The following BTD variants were observed in gnomAD, a reference collection of about 807,000 sequenced individuals.
BTD encodes the protein biotinidase, also known as biocytinase.
BTD carries 13 observed loss-of-function variants against 17.7 expected under a neutral mutation model. That is an observed-to-expected ratio of 0.74 (90% CI 0.48 to 1.17). The LOEUF (loss-of-function observed/expected upper bound fraction) is 1.17. Ranked by LOEUF, BTD falls within the 50% of genes most tolerant of loss-of-function variation. The pLI, the probability that BTD is intolerant of heterozygous loss-of-function variation, is 0.00. For missense variants in BTD, 674 were observed against 650.4 expected, an observed-to-expected ratio of 1.04 and a Z score of -0.39; for synonymous variants, 240 against 245.2, an observed-to-expected ratio of 0.98 and a Z score of 0.20.
intron 1 of BTD, among the ~76,000 whole-genome samples, chr3:15,616,768 A>C (rs1219199785): frequency 6.6e-6 from 1 of 152,098 alleles, no homozygotes; most frequent in Non-Finnish European, 1.5e-5. Flanking sequence ...ACATCTTTTC[A>C]TAAGTTTATT....
chr3:15,601,724 C>T, upstream of BTD: 1 of 1,570,738 alleles, frequency 6.4e-7, no homozygotes, highest in Non-Finnish European at 8.6e-7. Flanking sequence ...CGCCAGAATG[C>T]CAGAGGGAGG....
chr3:15,666,009 G>A (rs1002899600), intron 3 of BTD, among the ~76,000 whole-genome samples: 1 of 152,120 alleles, frequency 6.6e-6, no homozygotes, highest in African/African-American at 2.4e-5. Context: ...TAGATTTGGG[G>A]TGGTTAGGTG....
intron 3 of BTD, among the ~76,000 whole-genome samples, chr3:15,700,209 A>G (rs961148741): frequency 6.6e-6 from 1 of 152,182 alleles, no homozygotes; most frequent in African/African-American, 2.4e-5. Flanking sequence ...GGGGAACATT[A>G]CACACACAAC....
chr3:15,699,286 A>T (rs1422506591), intron 3 of BTD, among the ~76,000 whole-genome samples: 1 of 152,112 alleles, frequency 6.6e-6, no homozygotes, highest in Non-Finnish European at 1.5e-5. Flanking sequence ...ACCATAAAAA[A>T]CCCTATTAGA....
At chr3:15,602,026 G>T in intron 1 of BTD, 132 bp downstream of exon 1, 1 of 1,495,694 alleles carries the variant, frequency 6.7e-7, no homozygotes, top group South Asian at 1.3e-5. Context: ...CCCGGCGCGC[G>T]TCGTTTGCTG....
At chr3:15,676,918 T>C in intron 3 of BTD, 1 of 1,435,056 alleles carries the variant, frequency 7.0e-7, no homozygotes. Flanking sequence ...AAAATCCATT[T>C]ATCATTTTTA....
At chr3:15,672,717 A>C (rs557937176) in intron 3 of BTD, among the ~76,000 whole-genome samples, 2 of 152,264 alleles carry the variant, frequency 1.3e-5, no homozygotes, top group East Asian at 3.9e-4. Flanking sequence ...TGGGGAAAGA[A>C]GCTTGTTTCA....
At chr3:15,679,485 T>C in intron 3 of BTD, 1 of 1,613,936 alleles carries the variant, frequency 6.2e-7, no homozygotes, top group Non-Finnish European at 8.5e-7. Context: ...CACGGCACAA[T>C]GCAATGGACT....
At chr3:15,707,258 G>GA (rs61116421) in intron 3 of BTD, among the ~76,000 whole-genome samples, 4 of 150,454 alleles carry the variant, frequency 2.7e-5, no homozygotes, top group Admixed American at 6.6e-5. Flanking sequence ...CGTGCAAGAA[G>GA]AAAAAAAAAA....
chr3:15,608,013 A>G (rs925790793), intron 1 of BTD, among the ~76,000 whole-genome samples: 3 of 152,262 alleles, frequency 2.0e-5, no homozygotes, highest in East Asian at 3.8e-4. Flanking sequence ...GTGAAAAGCA[A>G]CTTTATTATT....
At chr3:15,614,345 G>T (rs748316317) in intron 1 of BTD, among the ~76,000 whole-genome samples, 1 of 151,654 alleles carries the variant, frequency 6.6e-6, no homozygotes. Flanking sequence ...TGAATTCCTG[G>T]CCTCAAGTGA....
In BTD at chr3:15,625,531, T is replaced by TTTTG. The variant is rs541879800; in HGVS notation, c.-16-9877_-16-9874dup. Reference sequence around the variant, plus strand: ...AAGACTGGGTCCCTCTGGAGTTGTTTTTTGTTTGTTTGTTTGTTTTGTTTT... The same window carrying TTTTG: ...AAGACTGGGTCCCTCTGGAGTTGTTTTTTGTTTGTTTGTTTGTTTGTTTTGTTTT... On this transcript the variant is annotated intron_variant, in intron 1 of 3. Transcript: ENST00000643237. Among the ~76,000 whole-genome samples, 9 of 152,026 alleles carry TTTTG rather than the reference T, an allele frequency of 5.9e-5. No individual in the cohort carries two copies. The East Asian group carries it at 1.2e-3, about 20-fold the overall frequency.
At chr3:15,636,533 G>T (rs2065353859) in intron 2 of BTD, among the ~76,000 whole-genome samples, 1 of 152,156 alleles carries the variant, frequency 6.6e-6, no homozygotes, top group Non-Finnish European at 1.5e-5. Context: ...TGTAACTCTG[G>T]TGGCAGGGTG....
intron 1 of BTD, chr3:15,631,479 A>G: frequency 6.5e-7 from 1 of 1,535,132 alleles, no homozygotes; most frequent in South Asian, 1.2e-5. Flanking sequence ...AATTATTAAG[A>G]TGAATCATTT....
intron 3 of BTD, among the ~76,000 whole-genome samples, chr3:15,692,152 A>AT (rs1335523259): frequency 1.3e-5 from 2 of 151,080 alleles, no homozygotes; most frequent in Non-Finnish European, 3.0e-5. Context: ...AATAAAAAAA[A>AT]AAAAAAAAAA....
intron 3 of BTD, among the ~76,000 whole-genome samples, chr3:15,664,467 A>G (rs2065957726): frequency 6.6e-6 from 1 of 152,238 alleles, no homozygotes; most frequent in Non-Finnish European, 1.5e-5. Context: ...AAGTTAAAAC[A>G]TGACCAAGGC....
At chr3:15,631,522 AATATC>A in intron 1 of BTD, 1 of 1,494,632 alleles carries the variant, frequency 6.7e-7, no homozygotes, top group South Asian at 1.2e-5. Context: ...TGTGTGTAAA[AATATC>A]TAGTGATTGA....
downstream of BTD, among the ~76,000 whole-genome samples, chr3:15,654,215 A>C (rs2125535420): frequency 6.6e-6 from 1 of 152,360 alleles, no homozygotes; most frequent in South Asian, 2.1e-4. Context: ...AACATTGGGC[A>C]CTGGGGCAAG....
At chr3:15,706,168 G>A (rs537191615) in intron 3 of BTD, among the ~76,000 whole-genome samples, 24 of 151,844 alleles carry the variant, frequency 1.6e-4, no homozygotes, top group Non-Finnish European at 3.2e-4. Context: ...GTATACATGT[G>A]CCACGTTGGT....
Sources: allele counts gnomAD v4.1 joint callset (sites outside exome capture counted in the v4.1 genomes callset), GRCh38; gene constraint gnomAD v4.1.1; transcripts MANE v1.5; gene names NCBI Gene and HGNC (gene_info 2026-07-23, HGNC 2026-07-21).